Variants in PEAK1 observed in about 807,000 individuals in gnomAD.
PEAK1 encodes pseudopodium enriched atypical kinase 1.
In PEAK1, 54 loss-of-function variants were observed where a neutral mutation model predicts 124.7. The ratio of observed to expected loss-of-function variants is 0.43; its 90% CI spans 0.35 to 0.54. PEAK1 has a LOEUF of 0.54. PEAK1 is among the 20% of genes least tolerant of loss of function. The pLI, the probability that PEAK1 is intolerant of heterozygous loss-of-function variation, is 0.01. For synonymous variants in PEAK1, 719 were observed against 760.0 expected (o/e 0.95, Z 0.89); for missense variants, 2,046 against 2,134.5 (o/e 0.96, Z 0.82).
chr15:77,381,823 T>C (rs755033670), intron 1 of PEAK1, among the ~76,000 whole-genome samples: 11 of 152,150 alleles, frequency 7.2e-5, no homozygotes, highest in Non-Finnish European at 1.3e-4. Flanking sequence ...CAAAGCCACC[T>C]TGATAAAAAG....
chr15:77,255,261 C>G (rs1473865322), intron 5 of PEAK1: 6 of 653,018 alleles, frequency 9.2e-6, no homozygotes, highest in Non-Finnish European at 9.5e-6. Context: ...ATTATTTATT[C>G]CTGTGTAATA....
intron 2 of PEAK1, among the ~76,000 whole-genome samples, chr15:77,301,329 T>C (rs1238015857): frequency 6.6e-6 from 1 of 152,166 alleles, no homozygotes; most frequent in Non-Finnish European, 1.5e-5. Context: ...CACCCCTCAT[T>C]GGATTTAGAG....
rs184633768 is a variant in PEAK1 at position 77,352,282 on chromosome 15, C to A, written c.-603+12881G>T. The A allele has an allele frequency of 5.2e-4, 508 of 985,356 alleles. 2 individuals are homozygous for A. The African/African-American group carries it at 7.8e-3, about 15-fold the overall frequency. The allele number at this position is 985,356 out of a possible 1,614,324, so 61.0% of individuals were successfully genotyped here. A position where few individuals can be genotyped will look rare whatever the true frequency, so the allele number is the denominator to read the frequency against. ...TTGGTCCTCCTAGCCATACCTCTCC[C>A]CCAGGAAGTGAGCAGTGCAGAGGGC... On this transcript the variant is annotated intron_variant, in intron 2 of 9. Transcript: ENST00000682557.
chr15:77,182,494 T>A (rs1304910838), intron 6 of PEAK1, among the ~76,000 whole-genome samples: 3 of 151,898 alleles, frequency 2.0e-5, no homozygotes, highest in Admixed American at 6.6e-5. Context: ...ATGCCTGTAA[T>A]CTCAGCATGT....
At chr15:77,190,693 G>A (rs756766648) in intron 6 of PEAK1, among the ~76,000 whole-genome samples, 3 of 152,182 alleles carry the variant, frequency 2.0e-5, no homozygotes, top group Non-Finnish European at 2.9e-5. Flanking sequence ...AGATGATACA[G>A]TTCTACCAAG....
intron 1 of PEAK1, chr15:77,381,208 C>A: frequency 1.0e-6 from 1 of 982,328 alleles, no homozygotes; most frequent in Non-Finnish European, 1.2e-6. Context: ...AGTTGGGAGA[C>A]AATGGAAGCA....
intron 6 of PEAK1, among the ~76,000 whole-genome samples, chr15:77,227,201 A>G (rs1336093072): frequency 6.6e-6 from 1 of 152,228 alleles, no homozygotes; most frequent in Non-Finnish European, 1.5e-5. Context: ...GCAATCTAGA[A>G]TAAGTTTATC....
chr15:77,252,919 T>C (rs1443414926), intron 5 of PEAK1, among the ~76,000 whole-genome samples: 1 of 152,222 alleles, frequency 6.6e-6, no homozygotes, highest in Admixed American at 6.5e-5. Context: ...TAAAGACCTC[T>C]CTAAAATATT....
chr15:77,180,593 C>T lies in PEAK1; in HGVS notation c.1334G>A (p.Gly445Glu). The change falls in exon 7 of 10, where the codon GGG becomes GAG. Residue 445 changes from glycine (G) to glutamate (E), a missense_variant. Gly to Glu is a moderately conservative substitution (Grantham distance 98, BLOSUM62 -2). Transcript: ENST00000682557. Reference protein sequence around the residue: ...EESKASTDVAGQAVTINLVPT... With the variant: ...EESKASTDVAEQAVTINLVPT... ...GACAAGGTTTATGGTTACTGCTTGCCCAGCAACATCTGTAGAGGCTTTACT... is the reference window on the plus strand; with the variant it reads ...GACAAGGTTTATGGTTACTGCTTGCTCAGCAACATCTGTAGAGGCTTTACT... The T allele has an allele frequency of 1.9e-6, 3 of 1,614,096 alleles. No individual in the cohort carries two copies. The highest frequency in any genetic ancestry group is 2.2e-5 in the South Asian group (2 of 91,080).
At chr15:77,249,535 A>G (rs1328067135) in intron 6 of PEAK1, among the ~76,000 whole-genome samples, 2 of 152,202 alleles carry the variant, frequency 1.3e-5, no homozygotes, top group Non-Finnish European at 2.9e-5. Flanking sequence ...GTCACGGTAG[A>G]TTATAAATTT....
chr15:77,325,451 A>AAAAT (rs1180219446), intron 2 of PEAK1, among the ~76,000 whole-genome samples: 1 of 136,644 alleles, frequency 7.3e-6, no homozygotes, highest in African/African-American at 2.6e-5. Flanking sequence ...ATAAATAAAT[A>AAAAT]AAATAATTAA....
At chr15:77,264,722 A>C (rs374907953) in intron 5 of PEAK1, among the ~76,000 whole-genome samples, 2,342 of 152,188 alleles carry the variant, frequency 0.015, 37 homozygotes, top group Middle Eastern at 0.041. Flanking sequence ...TCAAGCTACC[A>C]ATGACTTTCT....
At chr15:77,166,705 T>C (rs1272043584) in intron 7 of PEAK1, among the ~76,000 whole-genome samples, 1 of 152,256 alleles carries the variant, frequency 6.6e-6, no homozygotes, top group Non-Finnish European at 1.5e-5. Flanking sequence ...CTGGTGGAGC[T>C]GAGATTCAAA....
At chr15:77,187,303 C>T (rs1308409179) in intron 6 of PEAK1, among the ~76,000 whole-genome samples, 1 of 152,196 alleles carries the variant, frequency 6.6e-6, no homozygotes, top group Non-Finnish European at 1.5e-5. Flanking sequence ...GCCTATTTCA[C>T]TTCAAGTCAT....
chr15:77,252,724 A>G (rs1009631125), intron 5 of PEAK1, among the ~76,000 whole-genome samples, 198 bp from the exon 6 acceptor site: 4 of 152,198 alleles, frequency 2.6e-5, no homozygotes, highest in African/African-American at 9.6e-5. Context: ...TGGCATACCA[A>G]AGAACCAGTA....
At chr15:77,357,083 G>C (rs1054825953) in intron 2 of PEAK1, among the ~76,000 whole-genome samples, 2 of 152,112 alleles carry the variant, frequency 1.3e-5, no homozygotes, top group Non-Finnish European at 2.9e-5. Flanking sequence ...CCTTGACAAC[G>C]TAAGAGGACC....
In PEAK1 at chr15:77,346,327, A is replaced by C. The variant is rs574385833; in HGVS notation, c.-603+18836T>G. The C allele has an allele frequency of 6.2e-6, 6 of 973,512 alleles. No homozygotes were observed. The East Asian group carries it at 6.9e-4, about 111-fold the overall frequency. 60.3% of individuals were successfully genotyped at this position (973,512 alleles called of 1,614,324 possible). On this transcript the variant is annotated intron_variant, in intron 2 of 9. Transcript: ENST00000682557. ...TTATTTTGTTCTATTCTATTGACAT[A>C]TTTTAACTCATTTTGTAAACCTGGA...
intron 2 of PEAK1, among the ~76,000 whole-genome samples, chr15:77,317,645 T>G (rs1173320627): frequency 6.6e-6 from 1 of 152,178 alleles, no homozygotes; most frequent in Non-Finnish European, 1.5e-5. Context: ...ACTCTCAGTC[T>G]TTCACTCCTC....
chr15:77,252,368 A>G lies in PEAK1; in HGVS notation c.-116T>C, dbSNP rs1567169282. 2.0e-6 allele frequency: 2 copies of G among 984,822 alleles called. No individual in the cohort carries two copies. Among genetic ancestry groups the G allele is most frequent in the East Asian group, 1.1e-4 (1 of 8,836 alleles). The allele number at this position is 984,822 out of a possible 1,614,324, so 61.0% of individuals were successfully genotyped here. ...ACATGTTAGGAGAATTCTGCTTACT[A>G]TTTAAATCTGAAGCACTTCATTCAT... is the stretch of plus-strand genomic sequence containing the variant. On this transcript the variant is annotated splice_region_variant and 5_prime_UTR_variant, in exon 6 of 10. The change abolishes the stop of an existing upstream ORF in the 5' untranslated region. Transcript: ENST00000682557.
Sources: allele counts gnomAD v4.1 joint callset (sites outside exome capture counted in the v4.1 genomes callset), GRCh38; gene constraint gnomAD v4.1.1; transcripts MANE v1.5; gene names NCBI Gene and HGNC (gene_info 2026-07-23, HGNC 2026-07-21).